DAB2IP: variants seen among roughly 807,000 people sequenced by gnomAD.
DAB2IP encodes DAB2 interacting protein, also known as disabled homolog 2-interacting protein.
In DAB2IP, 28 loss-of-function variants were observed where a neutral mutation model predicts 107.2. The observed-to-expected ratio is 0.26, with a 90% confidence interval of 0.19 to 0.36. DAB2IP has a LOEUF of 0.36. Ranked by LOEUF, DAB2IP falls within the 10% of genes least tolerant of loss-of-function variation. DAB2IP has a pLI of 1.00. For synonymous variants in DAB2IP, 755 were observed against 706.4 expected (o/e 1.07, Z -1.09); for missense variants, 1,400 against 1,644.7 (o/e 0.85, Z 2.57).
intron 3 of DAB2IP, among the ~76,000 whole-genome samples, chr9:121,738,102 G>A (rs900281101): frequency 6.6e-6 from 1 of 152,190 alleles, no homozygotes; most frequent in Non-Finnish European, 1.5e-5. Flanking sequence ...AGCAGGCAAG[G>A]TTGTGGGGCA....
chr9:121,640,763 G>A (rs951541874), intron 1 of DAB2IP, among the ~76,000 whole-genome samples: 39 of 152,312 alleles, frequency 2.6e-4, no homozygotes, highest in Middle Eastern at 3.4e-3. Context: ...ACGGCGTGGG[G>A]TGGGGCCAGT....
At chr9:121,656,155 T>A (rs933304065) in intron 1 of DAB2IP, among the ~76,000 whole-genome samples, 2 of 152,096 alleles carry the variant, frequency 1.3e-5, no homozygotes, top group Non-Finnish European at 1.5e-5. Flanking sequence ...ATTACAGGCA[T>A]GCACCACCAC....
chr9:121,635,016 A>ATG lies in DAB2IP; in HGVS notation c.41-43649_41-43648dup, dbSNP rs375687923. 2.4e-4 allele frequency among the ~76,000 whole-genome samples: 37 copies of ATG among 151,686 alleles called. No individual in the cohort carries two copies. The highest frequency in any genetic ancestry group is 1.4e-3 in the Admixed American group (21 of 15,228). Reference sequence around the variant, plus strand: ...CCCACCCAGCCTCAGACCTGTGTATATGTGTGTGTGTGTGCGCGTGCGTGT... The same window carrying ATG: ...CCCACCCAGCCTCAGACCTGTGTATATGTGTGTGTGTGTGTGCGCGTGCGTGT... On this transcript the variant is annotated intron_variant, in intron 1 of 16. Transcript: ENST00000259371. The surrounding 1 kb of genome is among the most constrained non-coding windows in gnomAD (Gnocchi z 4.3).
At chr9:121,694,524 C>T (rs1031447439) in intron 2 of DAB2IP, among the ~76,000 whole-genome samples, 1 of 152,046 alleles carries the variant, frequency 6.6e-6, no homozygotes, top group African/African-American at 2.4e-5. Context: ...TTCTGAAAGG[C>T]CTTTGAGACA....
upstream of DAB2IP, among the ~76,000 whole-genome samples, chr9:121,650,993 C>A (rs1264357385): frequency 6.6e-6 from 1 of 152,154 alleles, no homozygotes; most frequent in Admixed American, 6.5e-5. Context: ...GAAAGTTTTT[C>A]AGCCAATGCA....
intron 2 of DAB2IP, among the ~76,000 whole-genome samples, chr9:121,696,787 A>G (rs1365217099): frequency 6.6e-6 from 1 of 152,164 alleles, no homozygotes; most frequent in African/African-American, 2.4e-5. Flanking sequence ...TGTCATATGC[A>G]GGGTCCTGAG....
chr9:121,619,666 G>T (rs1831395643), intron 1 of DAB2IP, among the ~76,000 whole-genome samples: 1 of 152,188 alleles, frequency 6.6e-6, no homozygotes, highest in African/African-American at 2.4e-5. Flanking sequence ...GGTAAGAATT[G>T]CAAATGTCCT....
At chr9:121,745,325 C>T (rs989610138) in intron 3 of DAB2IP, among the ~76,000 whole-genome samples, 2 of 152,180 alleles carry the variant, frequency 1.3e-5, no homozygotes, top group Non-Finnish European at 2.9e-5. Context: ...AGGAACTCAG[C>T]AGCCACACTC....
rs1237163925 is a variant in DAB2IP, at chr9:121,662,046, C to T, written c.124+10147C>T. ...AAAGCAGTAAATATCTATTACAGAA[C>T]AGAAGAAAATAAAAATCACCTTTAA... is the stretch of plus-strand genomic sequence containing the variant. On this transcript the variant is annotated intron_variant, in intron 1 of 15. Coordinates refer to ENST00000408936, the Ensembl canonical transcript of DAB2IP. This position sits in a 1 kb window ranked among gnomAD's most constrained non-coding sequence, Gnocchi z 4.6. 1.3e-5 allele frequency among the ~76,000 whole-genome samples: 2 copies of T among 151,944 alleles called. No individual in the cohort carries two copies. Among genetic ancestry groups the T allele is most frequent in the Non-Finnish European group, 2.9e-5 (2 of 67,980 alleles).
chr9:121,567,172 C>A, exon 1 of DAB2IP: 2 of 1,614,044 alleles, frequency 1.2e-6, no homozygotes, highest in Non-Finnish European at 1.7e-6. Flanking sequence ...GGGCCAGGGG[C>A]TGGGGGCCCA....
chr9:121,580,975 G>C (rs758856716), intron 1 of DAB2IP, among the ~76,000 whole-genome samples: 5 of 152,188 alleles, frequency 3.3e-5, no homozygotes, highest in African/African-American at 4.8e-5. Flanking sequence ...CCAAAATCCA[G>C]GTGCGCAGGC....
chr9:121,771,258 C>G (rs978110828), intron 11 of DAB2IP, among the ~76,000 whole-genome samples: 1 of 152,166 alleles, frequency 6.6e-6, no homozygotes, highest in Non-Finnish European at 1.5e-5. Flanking sequence ...AAGACACACA[C>G]GGCAGAGTGG....
intron 12 of DAB2IP, 100 bp downstream of exon 12, chr9:121,773,595 C>T (rs1834942972): frequency 7.7e-7 from 1 of 1,301,544 alleles, no homozygotes; most frequent in Admixed American, 3.8e-5. Flanking sequence ...TCACCTCCAC[C>T]CTCACCCAGC....
intron 3 of DAB2IP, among the ~76,000 whole-genome samples, chr9:121,725,220 T>G (rs1053171753): frequency 2.0e-5 from 3 of 152,326 alleles, no homozygotes; most frequent in South Asian, 4.1e-4. Context: ...TCGTCACGTC[T>G]TCTTAATCAG....
chr9:121,594,200 G>C (rs1830478999), intron 1 of DAB2IP, among the ~76,000 whole-genome samples: 1 of 151,680 alleles, frequency 6.6e-6, no homozygotes, highest in South Asian at 2.1e-4. Flanking sequence ...AGGTCACACA[G>C]CTGGCAAGTG....
rs976130964 is a variant in DAB2IP, at chr9:121,567,110, A to G, written c.-79A>G. ...TGGAAAAGCCGCCAGATGGAATACA[A>G]AAGGAGGAACCCAGACGCTCATGGA... On this transcript the variant is annotated 5_prime_UTR_variant, in exon 1 of 17. Coordinates refer to the DAB2IP transcript ENST00000259371. 4.0e-5 allele frequency: 63 copies of G among 1,590,212 alleles called. No individual in the cohort carries two copies. In the African/African-American group the frequency reaches 6.2e-4, roughly 16 times the overall value.
chr9:121,571,881 A>G (rs1490741217), intron 1 of DAB2IP, among the ~76,000 whole-genome samples: 8 of 152,064 alleles, frequency 5.3e-5, no homozygotes, highest in African/African-American at 1.9e-4. Context: ...GGACAGTCAG[A>G]GGCAGGAAGG....
intron 15 of DAB2IP, 77 bp downstream of exon 15, chr9:121,781,628 C>G: frequency 7.1e-7 from 1 of 1,401,130 alleles, no homozygotes; most frequent in Non-Finnish European, 1.0e-6. Flanking sequence ...CCTCTCCATC[C>G]TCAGTCATAC....
intron 3 of DAB2IP, among the ~76,000 whole-genome samples, chr9:121,719,676 C>T (rs1830815028): frequency 6.6e-6 from 1 of 152,146 alleles, no homozygotes; most frequent in South Asian, 2.1e-4. Context: ...GATAAGCATC[C>T]CTTTGTGCCA....
Sources: gnomAD v4.1 joint callset for allele counts (sites outside exome capture counted in the v4.1 genomes callset) on GRCh38, gnomAD v4.1.1 for gene constraint, Gnocchi (gnomAD v3.1) non-coding constraint, MANE v1.5 for transcripts, NCBI Gene and HGNC (gene_info 2026-07-23, HGNC 2026-07-21) for gene names.